The following ANKRD26 variants were observed in gnomAD, a reference collection of about 807,000 sequenced individuals.
ANKRD26 encodes ankyrin repeat domain 26.
ANKRD26 carries 141 observed loss-of-function variants against 208.7 expected under a neutral mutation model. The observed-to-expected ratio is 0.68, with a 90% confidence interval of 0.59 to 0.78. ANKRD26 has a LOEUF of 0.78. Among genes scored for constraint, ANKRD26 ranks in the 30% least tolerant of loss-of-function variants. The probability of loss-of-function intolerance (pLI) is 0.00; values close to 1 mark genes in which losing one functional copy is unlikely to be tolerated. For missense variants in ANKRD26, 1,889 were observed against 1,938.7 expected (o/e 0.97, Z 0.48); for synonymous variants, 636 against 660.4 (o/e 0.96, Z 0.57).
At chr10:26,986,993 C>A (rs1200404867), downstream of ANKRD26, among the ~76,000 whole-genome samples, 1 of 152,140 alleles carries the variant, frequency 6.6e-6, no homozygotes, top group African/African-American at 2.4e-5. Context: ...ATGTTTACTG[C>A]AGCACTATTC....
chr10:26,968,025 T>A, the ANKRD26 span, among the ~76,000 whole-genome samples: 1 of 152,136 alleles, frequency 6.6e-6, no homozygotes. Flanking sequence ...AGAAATCCAA[T>A]CATGATCTCC....
chr10:27,046,162 A>G (rs1232559591), intron 18 of ANKRD26, 191 bp downstream of exon 18: 2 of 618,660 alleles, frequency 3.2e-6, no homozygotes, highest in East Asian at 5.9e-5. Context: ...CCCATCCACT[A>G]TAGTCAGGGC....
chr10:27,050,724 GA>G, intron 16 of ANKRD26, among the ~76,000 whole-genome samples: 1 of 151,942 alleles, frequency 6.6e-6, no homozygotes, highest in Non-Finnish European at 1.5e-5. Context: ...AGAAAATAGG[GA>G]AAAAAACCCT....
chr10:27,094,833 T>A (rs1331222727), intron 1 of ANKRD26, among the ~76,000 whole-genome samples: 1 of 151,968 alleles, frequency 6.6e-6, no homozygotes, highest in East Asian at 1.9e-4. Flanking sequence ...AGACTCCATC[T>A]CTATAAAAAT....
intron 21 of ANKRD26, among the ~76,000 whole-genome samples, chr10:27,038,531 A>G (rs1447168346): frequency 2.0e-5 from 3 of 151,940 alleles, no homozygotes; most frequent in African/African-American, 7.3e-5. Flanking sequence ...GACACCTGTA[A>G]TCCCAGCTAC....
intron 9 of ANKRD26, among the ~76,000 whole-genome samples, chr10:27,069,420 C>T (rs983099693): frequency 5.3e-5 from 8 of 151,922 alleles, no homozygotes; most frequent in African/African-American, 1.9e-4. Context: ...GGAACAATGT[C>T]CACAGTTTGG....
At chr10:26,959,024 T>C in the ANKRD26 span, among the ~76,000 whole-genome samples, 1 of 152,174 alleles carries the variant, frequency 6.6e-6, no homozygotes, top group East Asian at 1.9e-4. Context: ...CTTTGTGGTT[T>C]TGATTTGCAT....
intron 9 of ANKRD26, 45 bp from the exon 10 acceptor site, chr10:27,067,331 TG>T: frequency 6.3e-7 from 1 of 1,596,282 alleles, no homozygotes. Flanking sequence ...CAGAAAACAC[TG>T]TATTTATTCA....
At chr10:27,052,549 A>G (rs1235746518) in intron 16 of ANKRD26, among the ~76,000 whole-genome samples, 1 of 152,138 alleles carries the variant, frequency 6.6e-6, no homozygotes, top group Non-Finnish European at 1.5e-5. Context: ...TCAGAAAGAA[A>G]AGTTAACTCT....
Position 27,036,629 on chromosome 10 carries a change from ATACT to A in ANKRD26, c.2697+553_2697+556del, listed in dbSNP as rs1483118460. On this transcript the variant is annotated intron_variant, in intron 23 of 33. Coordinates refer to ENST00000376087, the MANE Select transcript of ANKRD26 (RefSeq NM_014915.3). Reference sequence around the variant, plus strand: ...GCTGAACTGTTTTACTAGGAACAAAATACTTATCACTAAATTATCACTAACTATA... The same window carrying A: ...GCTGAACTGTTTTACTAGGAACAAAATATCACTAAATTATCACTAACTATA... Among the ~76,000 whole-genome samples, 6 of 152,172 alleles carry A rather than the reference ATACT, an allele frequency of 3.9e-5. No individual in the cohort carries two copies. In the East Asian group the frequency reaches 1.2e-3, roughly 29 times the overall value.
chr10:26,974,816 C>A (rs1053510771), exon 6 of ANKRD26, among the ~76,000 whole-genome samples: 1 of 152,224 alleles, frequency 6.6e-6, no homozygotes, highest in Non-Finnish European at 1.5e-5. Context: ...TCTCAGCGTT[C>A]TGAAGATATC....
At chr10:27,063,127 A>G (rs1032451956) in intron 12 of ANKRD26, among the ~76,000 whole-genome samples, 2 of 152,114 alleles carry the variant, frequency 1.3e-5, no homozygotes, top group Non-Finnish European at 2.9e-5. Flanking sequence ...GTATTCATCT[A>G]CAGCAGATGA....
chr10:27,097,626 TA>T, intron 1 of ANKRD26, among the ~76,000 whole-genome samples: 1 of 151,694 alleles, frequency 6.6e-6, no homozygotes, highest in African/African-American at 2.4e-5. Context: ...TCTTTTGCAA[TA>T]ATATTTATCT....
intron 17 of ANKRD26, among the ~76,000 whole-genome samples, chr10:27,047,821 G>A (rs1431636650): frequency 6.6e-6 from 1 of 150,778 alleles, no homozygotes; most frequent in Non-Finnish European, 1.5e-5. Context: ...TCGGCTCACT[G>A]CAACTTCCGA....
At chr10:27,030,170 G>C (rs1459901411) in intron 25 of ANKRD26, among the ~76,000 whole-genome samples, 3 of 152,162 alleles carry the variant, frequency 2.0e-5, no homozygotes, top group Non-Finnish European at 4.4e-5. Context: ...AATGGAAGTG[G>C]TCTACTATAG....
chr10:26,960,142 T>C, the ANKRD26 span, among the ~76,000 whole-genome samples: 6 of 151,574 alleles, frequency 4.0e-5, no homozygotes, highest in Non-Finnish European at 1.5e-5. Context: ...GAGCAAGACC[T>C]TGTCTCCAAA....
At chr10:26,970,553 C>G (rs2052128467), downstream of ANKRD26, among the ~76,000 whole-genome samples, 1 of 152,166 alleles carries the variant, frequency 6.6e-6, no homozygotes, top group Non-Finnish European at 1.5e-5. Flanking sequence ...CCCCCAGAAG[C>G]CAATGCTACT....
the ANKRD26 span, among the ~76,000 whole-genome samples, chr10:26,950,160 G>A: frequency 1.3e-5 from 2 of 152,284 alleles, no homozygotes; most frequent in Admixed American, 6.5e-5. Context: ...CTTGTGGGGA[G>A]GTGATTGGAT....
intron 6 of ANKRD26, chr10:27,081,074 T>C: frequency 2.4e-6 from 1 of 410,892 alleles, no homozygotes; most frequent in Non-Finnish European, 3.3e-6. Flanking sequence ...CTACTGGCTG[T>C]AGAGACTCTT....
Sources: allele counts gnomAD v4.1 joint callset (sites outside exome capture counted in the v4.1 genomes callset), GRCh38; gene constraint gnomAD v4.1.1; transcripts MANE v1.5; gene names NCBI Gene and HGNC (gene_info 2026-07-23, HGNC 2026-07-21).